ELAVL1: variants seen among roughly 807,000 people sequenced by gnomAD.
The protein encoded by ELAVL1 is ELAV-like protein 1.
A neutral mutation model predicts 28.4 loss-of-function variants in ELAVL1; 1 was observed. The observed-to-expected ratio is 0.04, with a 90% CI of 0.01 to 0.17. ELAVL1 has a LOEUF of 0.17. ELAVL1 is among the 10% of genes least tolerant of loss of function. The probability of loss-of-function intolerance (pLI) is 1.00; values close to 1 mark genes in which losing one functional copy is unlikely to be tolerated. For synonymous variants in ELAVL1, 174 were observed against 183.5 expected (o/e 0.95, Z 0.42); for missense variants, 157 against 447.2 (o/e 0.35, Z 5.85).
At chr19:7,987,119 G>T (rs1171937273) in intron 2 of ELAVL1, among the ~76,000 whole-genome samples, 39 of 149,574 alleles carry the variant, frequency 2.6e-4, no homozygotes, top group African/African-American at 5.2e-4. Flanking sequence ...GGGGTGCCGG[G>T]GGGGGGGGAG....
At position 7,981,669 on chromosome 19, in the gene ELAVL1, C is replaced by T. The variant is rs998102913; in HGVS notation, c.173-483G>A. 1.3e-5 allele frequency among the ~76,000 whole-genome samples: 2 copies of T among 152,138 alleles called. No homozygotes were observed. The highest frequency in any genetic ancestry group is 2.9e-5 in the Non-Finnish European group (2 of 68,034). ...TACAGATGTGAGCCACTGAGCCTGG[C>T]CAAGAGGTTTTACTTTTGTAATTAA... On this transcript the variant is annotated intron_variant, in intron 2 of 5. Coordinates refer to ENST00000407627, the MANE Select transcript of ELAVL1 (RefSeq NM_001419.3). The surrounding 1 kb of genome is among the most constrained non-coding windows in gnomAD (Gnocchi z 4.2).
rs1398278076 is a variant in ELAVL1 at position 7,959,833 on chromosome 19, G to GT, written c.*3649_*3650insA. The GT allele has an allele frequency of 6.6e-6, 1 of 152,064 alleles. No individual in the cohort carries two copies. The highest frequency in any genetic ancestry group is 2.4e-5 in the African/African-American group (1 of 41,380). 9.4% of individuals were successfully genotyped at this position (152,064 alleles called of 1,614,324 possible). Reference sequence around the variant, plus strand: ...CTAAACCCCAGGGGTCTCTGCTAAGGAGCTGCCTCAGGTCCTAGTAGGTGA... The same window carrying GT: ...CTAAACCCCAGGGGTCTCTGCTAAGGTAGCTGCCTCAGGTCCTAGTAGGTGA... On this transcript the variant is annotated 3_prime_UTR_variant, in exon 6 of 6. Transcript: ENST00000407627.
chr19:7,980,396 A>G (rs1416253001), intron 3 of ELAVL1, among the ~76,000 whole-genome samples: 1 of 152,158 alleles, frequency 6.6e-6, no homozygotes, highest in African/African-American at 2.4e-5. Flanking sequence ...GAAGGCAGAC[A>G]CGTGGGGACG....
chr19:7,972,261 G>A (rs1452648792), intron 4 of ELAVL1, among the ~76,000 whole-genome samples: 5 of 152,224 alleles, frequency 3.3e-5, no homozygotes, highest in Non-Finnish European at 7.3e-5. Flanking sequence ...CCCAGGCGGG[G>A]CCACGTGCAG....
chr19:8,005,220 G>A (rs1202938020), intron 1 of ELAVL1, among the ~76,000 whole-genome samples: 5 of 151,900 alleles, frequency 3.3e-5, no homozygotes, highest in African/African-American at 9.7e-5. Context: ...CCCCGGCCGT[G>A]CAGCCCGGCC....
chr19:8,002,129 G>C, intron 1 of ELAVL1: 1 of 1,289,352 alleles, frequency 7.8e-7, no homozygotes, highest in Non-Finnish European at 1.0e-6. Context: ...CAGCCTTCTT[G>C]TCCCTAAAGA....
At chr19:7,965,040 G>C (rs1211233756) in intron 5 of ELAVL1, among the ~76,000 whole-genome samples, 1 of 152,230 alleles carries the variant, frequency 6.6e-6, no homozygotes, top group Non-Finnish European at 1.5e-5. Context: ...TCACCCTCTC[G>C]ACAGACACGA....
chr19:7,987,589 G>A (rs1218522731), intron 2 of ELAVL1, among the ~76,000 whole-genome samples: 5 of 152,268 alleles, frequency 3.3e-5, no homozygotes, highest in South Asian at 2.1e-4. Flanking sequence ...CCATCATCAC[G>A]CCCCTCCTTC....
intron 1 of ELAVL1, among the ~76,000 whole-genome samples, chr19:8,001,309 C>G (rs2081067133): frequency 6.6e-6 from 1 of 152,176 alleles, no homozygotes; most frequent in African/African-American, 2.4e-5. Context: ...CCCACCTGTC[C>G]CCCAAGCCAC....
At chr19:7,992,681 CAT>C (rs1446348638) in intron 1 of ELAVL1, among the ~76,000 whole-genome samples, 2 of 152,146 alleles carry the variant, frequency 1.3e-5, no homozygotes, top group Non-Finnish European at 2.9e-5. Context: ...TGTGACAATA[CAT>C]GTTTGTCAAA....
chr19:7,961,171 A>C lies in ELAVL1; in HGVS notation c.*2312T>G, dbSNP rs1271324526. 6.6e-6 allele frequency: 1 copy of C among 152,268 alleles called. No homozygotes were observed. Among genetic ancestry groups the C allele is most frequent in the Non-Finnish European group, 1.5e-5 (1 of 68,046 alleles). 9.4% of individuals were successfully genotyped at this position (152,268 alleles called of 1,614,324 possible). A position where few individuals can be genotyped will look rare whatever the true frequency, so the allele number is the denominator to read the frequency against. ...AGGATTCAGATAAAAGGGGGCGAGG[A>C]AAGAAGCTGAGGTGCTACAAGCCCG... On this transcript the variant is annotated 3_prime_UTR_variant, in exon 6 of 6. Transcript: ENST00000407627.
At chr19:7,971,208 G>A (rs2145204393) in intron 4 of ELAVL1, among the ~76,000 whole-genome samples, 1 of 152,328 alleles carries the variant, frequency 6.6e-6, no homozygotes, top group South Asian at 2.1e-4. Flanking sequence ...TGTGTGCAGA[G>A]GTGAGTTCCC....
In ELAVL1 at chr19:7,961,484, CT is replaced by C. The variant is rs1448281015; in HGVS notation, c.*1998del. 6.6e-6 allele frequency: 1 copy of C among 152,250 alleles called. No individual in the cohort carries two copies. Among genetic ancestry groups the C allele is most frequent in the Non-Finnish European group, 1.5e-5 (1 of 68,050 alleles). 9.4% of individuals were successfully genotyped at this position (152,250 alleles called of 1,614,324 possible). On this transcript the variant is annotated 3_prime_UTR_variant, in exon 6 of 6. Coordinates refer to ENST00000407627, the MANE Select transcript of ELAVL1 (RefSeq NM_001419.3). ...TGCTGGCCCAGGGAAACCTGAAAGG[CT>C]TCTTTTTCCAGGAAAGCATTCTGGT...
intron 2 of ELAVL1, among the ~76,000 whole-genome samples, chr19:7,990,927 G>A (rs1985734719): frequency 6.6e-6 from 1 of 152,156 alleles, no homozygotes; most frequent in African/African-American, 2.4e-5. Context: ...ACTCTGTAAG[G>A]AAGGCCTTCA....
chr19:7,990,936 C>T (rs1985735070), intron 2 of ELAVL1, among the ~76,000 whole-genome samples: 1 of 152,164 alleles, frequency 6.6e-6, no homozygotes, highest in South Asian at 2.1e-4. Context: ...GGAAGGCCTT[C>T]ACAAGTGCCA....
chr19:7,981,212 G>A lies in ELAVL1; in HGVS notation c.173-26C>T, dbSNP rs201305921. The A allele has an allele frequency of 2.4e-4, 393 of 1,613,138 alleles. 1 individual carries two copies. The African/African-American group carries it at 4.8e-3, about 20-fold the overall frequency. On this transcript the variant is annotated intron_variant, in intron 2 of 5. Transcript: ENST00000407627. The surrounding 1 kb of genome is among the most constrained non-coding windows in gnomAD (Gnocchi z 4.2). ...CTGTGCAAGAGAACATGAAGACATT[G>A]GTAAGCCAACCGTCTGCGAGTGAGG...
intron 3 of ELAVL1, among the ~76,000 whole-genome samples, chr19:7,975,884 C>T (rs1037452495): frequency 1.3e-5 from 2 of 151,968 alleles, no homozygotes; most frequent in African/African-American, 4.8e-5. Context: ...GTGGGAGGAT[C>T]GCTTGAACCC....
chr19:7,980,943 T>C (rs942461373), intron 3 of ELAVL1, 140 bp downstream of exon 3: 5 of 812,632 alleles, frequency 6.2e-6, no homozygotes, highest in Non-Finnish European at 1.0e-5. Context: ...CAGATACACC[T>C]GACCAGGGTA....
chr19:7,980,659 A>AC (rs1212795663), intron 3 of ELAVL1, among the ~76,000 whole-genome samples: 3 of 151,970 alleles, frequency 2.0e-5, no homozygotes, highest in African/African-American at 7.3e-5. Context: ...TACTGTCTGC[A>AC]CCCCCGACCC....
Sources: gnomAD v4.1 joint callset for allele counts (sites outside exome capture counted in the v4.1 genomes callset) on GRCh38, gnomAD v4.1.1 for gene constraint, Gnocchi (gnomAD v3.1) non-coding constraint, MANE v1.5 for transcripts, NCBI Gene and HGNC (gene_info 2026-07-23, HGNC 2026-07-21) for gene names.